PDE10A: variants seen among roughly 807,000 people sequenced by gnomAD.
The protein encoded by PDE10A is cAMP and cAMP-inhibited cGMP 3',5'-cyclic phosphodiesterase 10A.
A neutral mutation model predicts 97.7 loss-of-function variants in PDE10A; 39 were observed. The observed-to-expected ratio is 0.40, with a 90% CI of 0.31 to 0.52. The LOEUF is 0.52. Among genes scored for constraint, PDE10A ranks in the 20% least tolerant of loss-of-function variants. PDE10A has a pLI of 0.56. For missense variants in PDE10A, 731 were observed against 1,047.8 expected, an observed-to-expected ratio of 0.70 and a Z score of 4.17; for synonymous variants, 371 against 376.8, an observed-to-expected ratio of 0.98 and a Z score of 0.18.
At chr6:165,504,194 T>C (rs1781061318) in intron 2 of PDE10A, among the ~76,000 whole-genome samples, 1 of 152,132 alleles carries the variant, frequency 6.6e-6, no homozygotes, top group Non-Finnish European at 1.5e-5. Flanking sequence ...TTTTTTAGAA[T>C]ATTATTTTGG....
intron 1 of PDE10A, among the ~76,000 whole-genome samples, chr6:165,555,610 C>A (rs559701460): frequency 6.6e-6 from 1 of 152,274 alleles, no homozygotes; most frequent in South Asian, 2.1e-4. Flanking sequence ...TCTCTATTTA[C>A]CTATATTTAA....
chr6:165,747,655 C>T (rs1282217005), intron 1 of PDE10A, among the ~76,000 whole-genome samples: 1 of 151,894 alleles, frequency 6.6e-6, no homozygotes, highest in Non-Finnish European at 1.5e-5. Flanking sequence ...GCCATCCGCA[C>T]CTGAAGGCAG....
intron 1 of PDE10A, among the ~76,000 whole-genome samples, chr6:165,921,149 A>G (rs922754902): frequency 6.6e-6 from 1 of 152,216 alleles, no homozygotes; most frequent in African/African-American, 2.4e-5. Context: ...CCCCAGTGCC[A>G]GCCATACCTC....
At chr6:165,351,303 T>C (rs1319096041) in intron 18 of PDE10A, among the ~76,000 whole-genome samples, 1 of 152,060 alleles carries the variant, frequency 6.6e-6, no homozygotes, top group Non-Finnish European at 1.5e-5. Flanking sequence ...ATAGTAAATG[T>C]GAGGGGTAGG....
intron 1 of PDE10A, among the ~76,000 whole-genome samples, chr6:165,610,202 C>A (rs1050006460): frequency 1.3e-5 from 2 of 152,132 alleles, no homozygotes; most frequent in Admixed American, 1.3e-4. Context: ...AGAAATAATA[C>A]CACACATCTA....
chr6:165,844,943 CACTTTTTGACAG>C (rs1010432032), intron 1 of PDE10A, among the ~76,000 whole-genome samples: 37 of 152,332 alleles, frequency 2.4e-4, no homozygotes, highest in Admixed American at 2.1e-3. Context: ...CCCTTGGACA[CACTTTTTGACAG>C]ACTGCTGTAT....
chr6:165,719,480 T>C (rs1375895308), intron 1 of PDE10A, among the ~76,000 whole-genome samples: 1 of 152,234 alleles, frequency 6.6e-6, no homozygotes, highest in Admixed American at 6.5e-5. Context: ...GATTTTCACC[T>C]GGAATTCTGT....
At chr6:165,829,236 C>T (rs1372088943) in intron 1 of PDE10A, among the ~76,000 whole-genome samples, 1 of 152,210 alleles carries the variant, frequency 6.6e-6, no homozygotes, top group African/African-American at 2.4e-5. Flanking sequence ...TCGCTGCTCC[C>T]CCAGTGGAGC....
At chr6:165,719,795 A>C (rs1230580052) in intron 1 of PDE10A, among the ~76,000 whole-genome samples, 1 of 152,252 alleles carries the variant, frequency 6.6e-6, no homozygotes, top group Non-Finnish European at 1.5e-5. Context: ...ATAACTAAAA[A>C]ACTAAGCACA....
At position 165,661,937 on chromosome 6, in the gene PDE10A, G is replaced by T; in HGVS notation, c.865+10C>A. 1 of 939,844 alleles carries T rather than the reference G, an allele frequency of 1.1e-6. No individual in the cohort carries two copies. Among genetic ancestry groups the T allele is most frequent in the Non-Finnish European group, 1.7e-6 (1 of 595,336 alleles). The allele number at this position is 939,844 out of a possible 1,614,324, so 58.2% of individuals were successfully genotyped here. ...CCCCACCTCCGGGGAACGGGGAGCA[G>T]GCCACTTACTGGGGCTCAGGAAGCA... On this transcript the variant is annotated intron_variant, in intron 1 of 21. Transcript: ENST00000539869. The surrounding 1 kb of genome is among the most constrained non-coding windows in gnomAD (Gnocchi z 4.8).
At position 165,433,166 on chromosome 6, in the gene PDE10A, G is replaced by A. The variant is rs999043457; in HGVS notation, c.1336-37C>T. ...AAAGACAAAAAGACATAAATTCAGTGAAATGATCATTAAGTGATGATTCTT... is the reference window on the plus strand; with the variant it reads ...AAAGACAAAAAGACATAAATTCAGTAAAATGATCATTAAGTGATGATTCTT... On this transcript the variant is annotated intron_variant, in intron 6 of 21. Coordinates refer to ENST00000539869, the MANE Select transcript of PDE10A (RefSeq NM_001385079.1). 4.6e-6 allele frequency: 7 copies of A among 1,515,422 alleles called. No homozygotes were observed. In the African/African-American group the frequency reaches 6.9e-5, roughly 15 times the overall value. The allele number at this position is 1,515,422 out of a possible 1,614,324, so 93.9% of individuals were successfully genotyped here.
intron 1 of PDE10A, among the ~76,000 whole-genome samples, chr6:165,552,015 A>C (rs1469499961): frequency 6.6e-6 from 1 of 151,604 alleles, no homozygotes; most frequent in East Asian, 1.9e-4. Flanking sequence ...ATCTGCCCTC[A>C]ATCCCCTCCT....
At chr6:165,757,527 T>A (rs1793144353) in intron 1 of PDE10A, among the ~76,000 whole-genome samples, 1 of 152,214 alleles carries the variant, frequency 6.6e-6, no homozygotes, top group South Asian at 2.1e-4. Context: ...TCCATTTAAA[T>A]GTTTTATTCA....
intron 1 of PDE10A, among the ~76,000 whole-genome samples, chr6:165,659,731 C>T (rs1790142103): frequency 6.6e-6 from 1 of 152,210 alleles, no homozygotes; most frequent in Admixed American, 6.5e-5. Context: ...TTCTCTGATG[C>T]ACCAGCTTCT....
intron 1 of PDE10A, among the ~76,000 whole-genome samples, chr6:165,693,394 G>T (rs1791355849): frequency 6.6e-6 from 1 of 151,876 alleles, no homozygotes; most frequent in Non-Finnish European, 1.5e-5. Flanking sequence ...TGCTGGGCGT[G>T]GTGGTGGATG....
At chr6:165,618,974 G>GTAGACTAGTGTAGTGTAGTGTAGTA (rs1554296490) in intron 1 of PDE10A, among the ~76,000 whole-genome samples, 1,442 of 118,484 alleles carry the variant, frequency 0.012, 26 homozygotes, top group African/African-American at 0.066. Flanking sequence ...CTAGTGTAGT[G>GTAGACTAGTGTAGTGTAGTGTAGTA]TAGTCTAGTG....
chr6:165,532,315 T>C (rs1210183021), intron 2 of PDE10A, among the ~76,000 whole-genome samples: 1 of 151,474 alleles, frequency 6.6e-6, no homozygotes, highest in Non-Finnish European at 1.5e-5. Flanking sequence ...CCTTATCTAT[T>C]GCTAGATAAG....
intron 21 of PDE10A, among the ~76,000 whole-genome samples, chr6:165,334,478 A>C (rs483832): frequency 1.4e-5 from 2 of 142,094 alleles, no homozygotes; most frequent in African/African-American, 2.7e-5. Flanking sequence ...GCCCTACAGC[A>C]CCGGGCATGC....
chr6:165,337,503 A>C (rs1203916457), intron 20 of PDE10A, among the ~76,000 whole-genome samples: 5 of 152,232 alleles, frequency 3.3e-5, no homozygotes, highest in Non-Finnish European at 7.3e-5. Context: ...TTTATGGCTC[A>C]TGCAGAGACT....
Sources: allele counts gnomAD v4.1 joint callset (sites outside exome capture counted in the v4.1 genomes callset), GRCh38; gene constraint gnomAD v4.1.1; non-coding constraint Gnocchi (gnomAD v3.1); transcripts MANE v1.5; gene names NCBI Gene and HGNC (gene_info 2026-07-23, HGNC 2026-07-21).